PLCB1: variants seen among roughly 807,000 people sequenced by gnomAD.
The protein encoded by PLCB1 is 1-phosphatidylinositol 4,5-bisphosphate phosphodiesterase beta-1.
In PLCB1, 46 loss-of-function variants were observed where a neutral mutation model predicts 161.8. That is an observed-to-expected ratio of 0.28 (90% confidence interval 0.22 to 0.36). The LOEUF (loss-of-function observed/expected upper bound fraction) is 0.36, where lower values mean the gene tolerates loss of function less well. PLCB1 is among the 10% of genes least tolerant of loss of function. The pLI, the probability that PLCB1 is intolerant of heterozygous loss-of-function variation, is 1.00. For missense variants in PLCB1, 1,016 were observed against 1,472.5 expected (o/e 0.69, Z 5.07); for synonymous variants, 517 against 503.7 (o/e 1.03, Z -0.35).
chr20:8,623,673 G>A (rs936769515), intron 3 of PLCB1, among the ~76,000 whole-genome samples: 8 of 152,028 alleles, frequency 5.3e-5, no homozygotes, highest in African/African-American at 1.5e-4. Flanking sequence ...AATATTTAAA[G>A]ATTTTCCATC....
At chr20:8,335,775 C>A (rs535456728) in intron 2 of PLCB1, among the ~76,000 whole-genome samples, 3 of 152,316 alleles carry the variant, frequency 2.0e-5, no homozygotes, top group South Asian at 4.1e-4. Flanking sequence ...ACATCTGTAA[C>A]GCTGCAGAAG....
chr20:8,517,320 C>T (rs758102936), intron 3 of PLCB1, among the ~76,000 whole-genome samples: 4 of 152,162 alleles, frequency 2.6e-5, no homozygotes, highest in Non-Finnish European at 5.9e-5. Context: ...GCGTCGTCTA[C>T]ATTTGAAATT....
chr20:8,643,776 T>TCTCCC lies in PLCB1; in HGVS notation c.385-2324_385-2323insCCCCT, dbSNP rs1384003557. Among the ~76,000 whole-genome samples, 26 of 64,634 alleles carry TCTCCC rather than the reference T, an allele frequency of 4.0e-4. No individual in the cohort carries two copies. In the East Asian group the frequency reaches 7.2e-3, roughly 18 times the overall value. 42.4% of individuals were successfully genotyped at this position (64,634 alleles called of 152,430 possible). A position where few individuals can be genotyped will look rare whatever the true frequency, so the allele number is the denominator to read the frequency against. On this transcript the variant is annotated intron_variant, in intron 4 of 31. Transcript: ENST00000338037. ...CTCTCCCTCTCCCTCTCCCTCTCCC[T>TCTCCC]CTTTCTCCCTCTCCCTCTCCCCATG... is the stretch of plus-strand genomic sequence containing the variant.
At chr20:8,311,849 G>C (rs922198652) in intron 2 of PLCB1, among the ~76,000 whole-genome samples, 1 of 152,132 alleles carries the variant, frequency 6.6e-6, no homozygotes, top group African/African-American at 2.4e-5. Flanking sequence ...TTCCACAATT[G>C]ACAAAAACAC....
chr20:8,821,641 TA>T (rs1270753399), intron 31 of PLCB1, among the ~76,000 whole-genome samples: 3 of 150,382 alleles, frequency 2.0e-5, no homozygotes, highest in African/African-American at 7.3e-5. Flanking sequence ...ACAGATGGGA[TA>T]TTTTCGCATG....
At chr20:8,534,612 T>C (rs1803226746) in intron 3 of PLCB1, among the ~76,000 whole-genome samples, 1 of 152,138 alleles carries the variant, frequency 6.6e-6, no homozygotes, top group Admixed American at 6.5e-5. Context: ...TCCAGCCATC[T>C]GGGAGAGAGG....
chr20:8,844,707 T>A (rs1280977051), intron 31 of PLCB1, among the ~76,000 whole-genome samples: 1 of 152,236 alleles, frequency 6.6e-6, no homozygotes, highest in Non-Finnish European at 1.5e-5. Flanking sequence ...TGAGTAAAGC[T>A]AATTTCCCTT....
At chr20:8,289,354 G>A (rs141050342) in intron 2 of PLCB1, among the ~76,000 whole-genome samples, 240 of 152,322 alleles carry the variant, frequency 1.6e-3, no homozygotes, top group African/African-American at 4.8e-3. Context: ...CAGTGGGTCT[G>A]ATGAGGGACC....
At chr20:8,641,395 A>G (rs1195507115) in intron 4 of PLCB1, among the ~76,000 whole-genome samples, 1 of 152,240 alleles carries the variant, frequency 6.6e-6, no homozygotes, top group East Asian at 1.9e-4. Context: ...ACATTCACTT[A>G]TGCAGTCAAC....
rs75603202 is a variant in PLCB1, at chr20:8,756,717, A to T, written c.2524-329A>T. Among the ~76,000 whole-genome samples the T allele has an allele frequency of 2.2e-3, 339 of 152,266 alleles. 2 individuals are homozygous for T. Among genetic ancestry groups the T allele is most frequent in the Admixed American group, 0.02 (301 of 15,292 alleles). ...TAGGACCCTGAGAAACAGTGGAAAA[A>T]TTTGCAAGGGTCTTTTGTATCAAGT... On this transcript the variant is annotated intron_variant, in intron 23 of 31. Transcript: ENST00000338037.
At chr20:8,428,500 C>T (rs529533710) in intron 3 of PLCB1, among the ~76,000 whole-genome samples, 57 of 152,308 alleles carry the variant, frequency 3.7e-4, no homozygotes, top group Non-Finnish European at 7.2e-4. Flanking sequence ...GGATTATAGG[C>T]ATGAGCCACC....
intron 3 of PLCB1, among the ~76,000 whole-genome samples, chr20:8,549,377 G>A (rs575193044): frequency 6.6e-6 from 1 of 152,180 alleles, no homozygotes; most frequent in South Asian, 2.1e-4. Context: ...ATGTCCAGGT[G>A]GCTAAGGGAC....
intron 2 of PLCB1, among the ~76,000 whole-genome samples, chr20:8,189,864 C>A (rs925952436): frequency 3.3e-5 from 5 of 151,914 alleles, no homozygotes; most frequent in Admixed American, 6.6e-5. Context: ...AACACTTAAC[C>A]ATTTACCATG....
intron 31 of PLCB1, among the ~76,000 whole-genome samples, chr20:8,879,314 A>G (rs1987892275): frequency 6.6e-6 from 1 of 151,488 alleles, no homozygotes; most frequent in African/African-American, 2.4e-5. Context: ...AAAAAAAACA[A>G]GTCATTTAAA....
At chr20:8,667,336 C>A (rs1022655250) in intron 9 of PLCB1, among the ~76,000 whole-genome samples, 2 of 152,156 alleles carry the variant, frequency 1.3e-5, no homozygotes, top group African/African-American at 4.8e-5. Context: ...GAGTGCATTC[C>A]AAGTTCTTCT....
At chr20:8,778,307 C>T (rs1161903557) in intron 27 of PLCB1, among the ~76,000 whole-genome samples, 1 of 152,028 alleles carries the variant, frequency 6.6e-6, no homozygotes, top group African/African-American at 2.4e-5. Context: ...GAATAGGGGC[C>T]GAAGTCACAA....
At chr20:8,795,683 G>A (rs1967681) in intron 31 of PLCB1, among the ~76,000 whole-genome samples, 104,832 of 151,970 alleles carry the variant, frequency 0.69, 36,340 homozygotes, top group Non-Finnish European at 0.71. Context: ...GCCAAAGCCA[G>A]TAGGAAACAT....
Position 8,507,927 on chromosome 20 carries a change from T to C in PLCB1, c.247-120367T>C, listed in dbSNP as rs1237963256. Reference sequence around the variant, plus strand: ...AATGCCATGATTTTGCAATGCATTATTGTTAGTAATTTTTAGGTCTGCCTA... The same window carrying C: ...AATGCCATGATTTTGCAATGCATTACTGTTAGTAATTTTTAGGTCTGCCTA... On this transcript the variant is annotated intron_variant, in intron 3 of 31. Coordinates refer to ENST00000338037, the MANE Select transcript of PLCB1 (RefSeq NM_015192.4). Among the ~76,000 whole-genome samples the C allele has an allele frequency of 5.3e-5, 8 of 152,184 alleles. No homozygotes were observed. In the East Asian group the frequency reaches 1.5e-3, roughly 29 times the overall value.
At chr20:8,396,428 G>A (rs1987770079) in intron 3 of PLCB1, among the ~76,000 whole-genome samples, 1 of 152,020 alleles carries the variant, frequency 6.6e-6, no homozygotes, top group South Asian at 2.1e-4. Flanking sequence ...GCACTACACT[G>A]CAACACTAGA....
Sources: gnomAD v4.1 joint callset for allele counts (sites outside exome capture counted in the v4.1 genomes callset) on GRCh38, gnomAD v4.1.1 for gene constraint, MANE v1.5 for transcripts, NCBI Gene and HGNC (gene_info 2026-07-23, HGNC 2026-07-21) for gene names.